IQSEC1: variants seen among roughly 807,000 people sequenced by gnomAD.
IQSEC1 encodes IQ motif and SEC7 domain-containing protein 1.
Under a neutral mutation model 91.0 loss-of-function variants are expected in IQSEC1, and 31 were observed. The ratio of observed to expected loss-of-function variants is 0.34; its 90% CI spans 0.26 to 0.46. IQSEC1 has a LOEUF of 0.46. Ranked by LOEUF, IQSEC1 falls within the 20% of genes least tolerant of loss-of-function variation. IQSEC1 has a pLI of 1.00. For missense variants in IQSEC1, 1,388 were observed against 1,575.6 expected (o/e 0.88, Z 2.02); for synonymous variants, 699 against 662.6 (o/e 1.05, Z -0.84).
chr3:12,980,383 C>A, intron 1 of IQSEC1, among the ~76,000 whole-genome samples: 1 of 152,234 alleles, frequency 6.6e-6, no homozygotes. Context: ...GAGACCCAGA[C>A]GGACCACTTC....
At chr3:12,997,227 T>G (rs1473247262) in intron 1 of IQSEC1, among the ~76,000 whole-genome samples, 1 of 152,232 alleles carries the variant, frequency 6.6e-6, no homozygotes, top group African/African-American at 2.4e-5. Context: ...GTGTACAAGT[T>G]AAAAGGCTCT....
chr3:13,002,560 A>G (rs1359565934), intron 1 of IQSEC1, among the ~76,000 whole-genome samples: 1 of 152,016 alleles, frequency 6.6e-6, no homozygotes, highest in East Asian at 1.9e-4. Flanking sequence ...AAAAAAAAAA[A>G]AAAAGGAACT....
chr3:12,927,942 G>A (rs116376979), intron 3 of IQSEC1, among the ~76,000 whole-genome samples: 4,903 of 152,276 alleles, frequency 0.032, 90 homozygotes, highest in Non-Finnish European at 0.043. Context: ...GAAGGGGGTA[G>A]TGGGGCGGTG....
chr3:13,161,472 G>A (rs1450813494), intron 2 of IQSEC1, among the ~76,000 whole-genome samples: 1 of 152,184 alleles, frequency 6.6e-6, no homozygotes, highest in Non-Finnish European at 1.5e-5. Context: ...TCTGTCCAGA[G>A]GGTGGGGGCA....
chr3:13,170,316 T>C (rs750374316), intron 1 of IQSEC1, among the ~76,000 whole-genome samples: 1 of 152,246 alleles, frequency 6.6e-6, no homozygotes, highest in Non-Finnish European at 1.5e-5. Flanking sequence ...TCAGAGGATG[T>C]ATGGAAACGC....
intron 1 of IQSEC1, among the ~76,000 whole-genome samples, chr3:13,185,284 C>A (rs572955352): frequency 6.6e-6 from 1 of 152,182 alleles, no homozygotes; most frequent in Admixed American, 6.5e-5. Context: ...CCCACTATTC[C>A]GTCAGGTCTC....
intron 2 of IQSEC1, among the ~76,000 whole-genome samples, chr3:13,112,974 G>A (rs1706274526): frequency 2.0e-5 from 3 of 152,242 alleles, no homozygotes; most frequent in African/African-American, 2.4e-5. Context: ...TTAAAAAGCG[G>A]CTGGCGCATC....
intron 2 of IQSEC1, among the ~76,000 whole-genome samples, chr3:13,156,715 T>G (rs1298318273): frequency 6.6e-6 from 1 of 152,194 alleles, no homozygotes; most frequent in East Asian, 1.9e-4. Flanking sequence ...AGAAGTAAAC[T>G]GGCTGATGTG....
intron 1 of IQSEC1, among the ~76,000 whole-genome samples, chr3:13,233,258 C>T (rs999441695): frequency 2.6e-5 from 4 of 152,188 alleles, no homozygotes; most frequent in African/African-American, 9.7e-5. Flanking sequence ...CACCTGCGTG[C>T]CAACAACCAC....
intron 1 of IQSEC1, among the ~76,000 whole-genome samples, chr3:13,009,651 ATGTTTGTATATATATATG>A: frequency 8.1e-6 from 1 of 123,796 alleles, no homozygotes; most frequent in East Asian, 3.5e-4. Flanking sequence ...AATAATTAGT[ATGTTTGTATATATATATG>A]TGTGTGTGTG....
At chr3:13,187,461 T>C (rs980504676) in intron 1 of IQSEC1, among the ~76,000 whole-genome samples, 5 of 152,246 alleles carry the variant, frequency 3.3e-5, no homozygotes, top group African/African-American at 9.6e-5. Flanking sequence ...AAGCCTATCA[T>C]GGAATACAAA....
chr3:13,177,965 T>C (rs570306359), intron 1 of IQSEC1, among the ~76,000 whole-genome samples: 12 of 152,236 alleles, frequency 7.9e-5, no homozygotes, highest in African/African-American at 2.9e-4. Context: ...TGGGGCTGGG[T>C]GGGGAGAAAG....
chr3:13,144,246 CG>C (rs1243199054), intron 2 of IQSEC1, among the ~76,000 whole-genome samples: 3 of 152,204 alleles, frequency 2.0e-5, no homozygotes, highest in Admixed American at 1.3e-4. Context: ...AACTAGACCA[CG>C]GCCGGCGAGC....
At chr3:13,006,770 G>C (rs754394608) in intron 1 of IQSEC1, among the ~76,000 whole-genome samples, 2 of 152,220 alleles carry the variant, frequency 1.3e-5, no homozygotes, top group Non-Finnish European at 2.9e-5. Flanking sequence ...GGGCCCAGGG[G>C]CAGGGGCATG....
At chr3:12,912,650 G>C (rs868611973) in intron 9 of IQSEC1, among the ~76,000 whole-genome samples, 3 of 125,712 alleles carry the variant, frequency 2.4e-5, no homozygotes, top group Non-Finnish European at 4.7e-5. Flanking sequence ...CCGCCTGGGC[G>C]ACAGAGCGAG....
intron 1 of IQSEC1, among the ~76,000 whole-genome samples, chr3:13,254,394 T>C (rs1421749879): frequency 6.6e-6 from 1 of 152,162 alleles, no homozygotes; most frequent in Non-Finnish European, 1.5e-5. Context: ...AGTCCCCATG[T>C]CCAGCCCTCT....
intron 2 of IQSEC1, among the ~76,000 whole-genome samples, chr3:13,098,276 G>A (rs530998292): frequency 4.3e-4 from 66 of 152,354 alleles, no homozygotes; most frequent in African/African-American, 1.5e-3. Flanking sequence ...TGGAACCAAC[G>A]AGGAAGCAAA....
At chr3:13,101,419 C>CAAAAAAAAAAAA (rs5846799) in intron 2 of IQSEC1, among the ~76,000 whole-genome samples, 3 of 119,480 alleles carry the variant, frequency 2.5e-5, no homozygotes, top group African/African-American at 6.6e-5. Flanking sequence ...ATTCCATCTC[C>CAAAAAAAAAAAA]AAAAAAAAAA....
intron 1 of IQSEC1, among the ~76,000 whole-genome samples, chr3:13,279,823 C>A (rs1695755696): frequency 6.6e-6 from 1 of 152,164 alleles, no homozygotes; most frequent in African/African-American, 2.4e-5. Context: ...GATGCTGTGG[C>A]CTTGCATGGC....
Sources: gnomAD v4.1 joint callset for allele counts (sites outside exome capture counted in the v4.1 genomes callset) on GRCh38, gnomAD v4.1.1 for gene constraint, MANE v1.5 for transcripts, NCBI Gene and HGNC (gene_info 2026-07-23, HGNC 2026-07-21) for gene names.